Variants in FAT3 observed in about 807,000 individuals in gnomAD.
FAT3 encodes FAT atypical cadherin 3.
A neutral mutation model predicts 310.2 loss-of-function variants in FAT3; 95 were observed. The observed-to-expected ratio is 0.31, with a 90% CI of 0.26 to 0.36. The LOEUF (loss-of-function observed/expected upper bound fraction) is 0.36, where lower values mean the gene tolerates loss of function less well. Among genes scored for constraint, FAT3 ranks in the 10% least tolerant of loss-of-function variants. The pLI is 1.00. For missense variants in FAT3, 5,408 were observed against 5,715.6 expected, an observed-to-expected ratio of 0.95 and a Z score of 1.74; for synonymous variants, 2,314 against 2,192.9, an observed-to-expected ratio of 1.06 and a Z score of -1.54.
intron 2 of FAT3, among the ~76,000 whole-genome samples, chr11:92,369,710 G>T (rs943503571): frequency 3.3e-5 from 5 of 152,086 alleles, no homozygotes; most frequent in Non-Finnish European, 7.3e-5. Flanking sequence ...AGCTAGGTAT[G>T]GTAGCACACG....
rs1209459472 is a variant in FAT3, at chr11:92,801,370, C to G, written c.8357C>G (p.Thr2786Ser). 13 of 1,613,844 alleles carry G rather than the reference C, an allele frequency of 8.1e-6. No individual in the cohort carries two copies. Among genetic ancestry groups the G allele is most frequent in the Non-Finnish European group, 1.0e-5 (12 of 1,179,872 alleles). Residue 2786 changes from threonine to serine, a missense_variant, in exon 10 of 28, where the codon ACT (threonine) becomes AGT (serine). Thr to Ser is a moderately conservative substitution (Grantham distance 58). Coordinates refer to ENST00000525166, the MANE Select transcript of FAT3 (RefSeq NM_001367949.2). ...GCTTTCCACTTTAAAGTAGCAGCCA[C>G]TATACCCCTGGACAAAGTAGACATT... ...SPAFHFKVAA[T>S]IPLDKVDIVF...
At chr11:92,266,660 GC>G in intron 1 of FAT3, among the ~76,000 whole-genome samples, 3 of 152,198 alleles carry the variant, frequency 2.0e-5, no homozygotes, top group Middle Eastern at 6.8e-3. Flanking sequence ...AAGCCTTTTT[GC>G]CCATCCTCGA....
chr11:92,589,374 T>C (rs1191709452), intron 3 of FAT3, among the ~76,000 whole-genome samples: 1 of 152,102 alleles, frequency 6.6e-6, no homozygotes, highest in Non-Finnish European at 1.5e-5. Flanking sequence ...CAGATCCATG[T>C]GTTATGGCCC....
intron 2 of FAT3, among the ~76,000 whole-genome samples, chr11:92,359,607 CT>C (rs1399218406): frequency 6.8e-6 from 1 of 147,734 alleles, no homozygotes; most frequent in East Asian, 2.0e-4. Context: ...TTAGGTATAT[CT>C]CCCAATGCTA....
At chr11:92,411,050 T>TATATATATATAAATATATATA (rs1555037720) in intron 2 of FAT3, among the ~76,000 whole-genome samples, 3 of 135,736 alleles carry the variant, frequency 2.2e-5, no homozygotes, top group African/African-American at 8.5e-5. Flanking sequence ...ATGTATATAA[T>TATATATATATAAATATATATA]ATATATATAA....
At chr11:92,706,311 C>A (rs1265454454) in intron 4 of FAT3, among the ~76,000 whole-genome samples, 2 of 152,036 alleles carry the variant, frequency 1.3e-5, no homozygotes, top group African/African-American at 4.8e-5. Flanking sequence ...CCTTTCAGAG[C>A]AAATATTAAT....
intron 13 of FAT3, among the ~76,000 whole-genome samples, chr11:92,825,634 A>T (rs1009719335): frequency 6.6e-6 from 1 of 152,048 alleles, no homozygotes; most frequent in Admixed American, 6.6e-5. Context: ...ATGACACTGG[A>T]AAGGGGGGTT....
At chr11:92,865,862 CG>C (rs1949232566) in intron 21 of FAT3, among the ~76,000 whole-genome samples, 1 of 152,210 alleles carries the variant, frequency 6.6e-6, no homozygotes, top group African/African-American at 2.4e-5. Context: ...ATTAGCCTCC[CG>C]GGCGCAGTGA....
At chr11:92,265,079 A>G (rs1945898458) in intron 1 of FAT3, among the ~76,000 whole-genome samples, 1 of 151,972 alleles carries the variant, frequency 6.6e-6, no homozygotes, top group South Asian at 2.1e-4. Context: ...AAATCACCAC[A>G]GGTTCCCTGG....
At chr11:92,233,752 ATAT>A (rs1378902246) in intron 1 of FAT3, among the ~76,000 whole-genome samples, 1 of 152,240 alleles carries the variant, frequency 6.6e-6, no homozygotes, top group Non-Finnish European at 1.5e-5. Context: ...AAGACAAAAC[ATAT>A]TATATTGCCA....
chr11:92,642,722 G>A (rs1195954778), intron 3 of FAT3, among the ~76,000 whole-genome samples: 1 of 152,180 alleles, frequency 6.6e-6, no homozygotes, highest in Non-Finnish European at 1.5e-5. Flanking sequence ...GGAGACAGCA[G>A]ACTATGTCAT....
chr11:92,331,306 G>A (rs1947918411), intron 1 of FAT3, among the ~76,000 whole-genome samples: 1 of 149,134 alleles, frequency 6.7e-6, no homozygotes, highest in Non-Finnish European at 1.5e-5. Context: ...TTTTCAAAAT[G>A]AGAGTTTCAT....
At position 92,413,216 on chromosome 11, in the gene FAT3, C is replaced by G. The variant is rs137956974; in HGVS notation, c.3292+57812C>G. Among the ~76,000 whole-genome samples the G allele has an allele frequency of 1.4e-4, 21 of 152,080 alleles. No homozygotes were observed. The East Asian group carries it at 1.7e-3, about 13-fold the overall frequency. Reference sequence around the variant, plus strand: ...CAATTTTTAATGTCAACAAAGGAACCCTTCTGTGTTTGAAAACATGTTTGT... The same window carrying G: ...CAATTTTTAATGTCAACAAAGGAACGCTTCTGTGTTTGAAAACATGTTTGT... On this transcript the variant is annotated intron_variant, in intron 2 of 27. Transcript: ENST00000525166.
chr11:92,463,909 A>G (rs1330094114), intron 2 of FAT3, among the ~76,000 whole-genome samples: 2 of 152,140 alleles, frequency 1.3e-5, no homozygotes, highest in Non-Finnish European at 2.9e-5. Flanking sequence ...AACTTCTAAA[A>G]TAGGGGTGAT....
At chr11:92,555,247 A>G (rs964178692) in intron 3 of FAT3, among the ~76,000 whole-genome samples, 1 of 152,228 alleles carries the variant, frequency 6.6e-6, no homozygotes. Context: ...CACTACAATA[A>G]TGTAATAGGG....
intron 3 of FAT3, among the ~76,000 whole-genome samples, chr11:92,594,102 G>C (rs1939581652): frequency 6.6e-6 from 1 of 152,132 alleles, no homozygotes; most frequent in Admixed American, 6.5e-5. Context: ...GCAGGTGAGA[G>C]TGCAAGACCT....
chr11:92,772,541 T>C (rs914821794), intron 6 of FAT3, among the ~76,000 whole-genome samples: 2 of 152,030 alleles, frequency 1.3e-5, no homozygotes, highest in Non-Finnish European at 2.9e-5. Flanking sequence ...TTCAAACAAT[T>C]TTTTTGGAGT....
intron 1 of FAT3, among the ~76,000 whole-genome samples, chr11:92,318,242 A>G (rs1347086972): frequency 6.6e-6 from 1 of 152,142 alleles, no homozygotes; most frequent in East Asian, 1.9e-4. Flanking sequence ...GCTTCACACT[A>G]TTTGGAGAAG....
At chr11:92,368,849 C>CAT (rs1565263622) in intron 2 of FAT3, among the ~76,000 whole-genome samples, 39 of 104,152 alleles carry the variant, frequency 3.7e-4, no homozygotes, top group African/African-American at 2.0e-3. Flanking sequence ...TATATATATA[C>CAT]ACACATACAC....
Sources: allele counts gnomAD v4.1 joint callset (sites outside exome capture counted in the v4.1 genomes callset), GRCh38; gene constraint gnomAD v4.1.1; transcripts MANE v1.5; gene names NCBI Gene and HGNC (gene_info 2026-07-23, HGNC 2026-07-21).